Variants in CD180 observed in about 807,000 individuals in gnomAD.
CD180 encodes the protein CD180 antigen.
Under a neutral mutation model 10.7 loss-of-function variants are expected in CD180, and 11 were observed. The ratio of observed to expected loss-of-function variants is 1.03; its 90% confidence interval spans 0.65 to 1.70. The LOEUF (loss-of-function observed/expected upper bound fraction) is 1.70. CD180 is among the 40% of genes most tolerant of loss of function. CD180 has a pLI of 0.00. For missense variants in CD180, 729 were observed against 775.2 expected, an observed-to-expected ratio of 0.94 and a Z score of 0.71; for synonymous variants, 286 against 294.6, an observed-to-expected ratio of 0.97 and a Z score of 0.30.
chr5:67,191,378 C>G (rs867913948), intron 1 of CD180, among the ~76,000 whole-genome samples: 1 of 152,182 alleles, frequency 6.6e-6, no homozygotes, highest in African/African-American at 2.4e-5. Flanking sequence ...TAGCGTTTAA[C>G]TGGATCATCA....
rs766574061 is a variant in CD180 at position 67,183,729 on chromosome 5, G to C, written c.1114C>G (p.Leu372Val). The C allele has an allele frequency of 1.4e-5, 23 of 1,614,056 alleles. 1 individual carries two copies. In the South Asian group the frequency reaches 2.4e-4, roughly 17 times the overall value. ...GVGCLEKLGN[L>V]QTLDLSHNDI... is the part of the protein sequence containing the mutation. Reference sequence around the variant, plus strand: ...TTATGGCTTAAATCAAGTGTCTGAAGGTTTCCTAGTTTCTCCAAGCAGCCA... The same window carrying C: ...TTATGGCTTAAATCAAGTGTCTGAACGTTTCCTAGTTTCTCCAAGCAGCCA... Residue 372 changes from leucine (L) to valine (V), a missense_variant, in exon 3 of 3, where the codon CTT becomes GTT. Physicochemically the swap from Leu to Val is conservative, Grantham distance 32. Transcript: ENST00000256447.
intron 2 of CD180, 67 bp from the exon 3 acceptor site, chr5:67,184,652 A>G (rs1742147112): frequency 7.8e-7 from 1 of 1,281,072 alleles, no homozygotes; most frequent in Non-Finnish European, 1.1e-6. Context: ...TTACAGTGAC[A>G]CACATTAACA....
intron 1 of CD180, among the ~76,000 whole-genome samples, chr5:67,192,859 T>C (rs1742335426): frequency 6.6e-6 from 1 of 152,212 alleles, no homozygotes; most frequent in Admixed American, 6.5e-5. Flanking sequence ...GTCACACATG[T>C]ACTCTGAGTT....
chr5:67,184,101 GAGT>G lies in CD180; in HGVS notation c.739_741del (p.Thr247del). ...TCAAATGTTCCCAGCCAGAGAGACTGAGTAGTAGAGTTCTGCAGACCATTGAAT... is the reference window on the plus strand; with the variant it reads ...TCAAATGTTCCCAGCCAGAGAGACTGAGTAGAGTTCTGCAGACCATTGAAT... On this transcript the variant is annotated inframe_deletion, in exon 3 of 3. Transcript: ENST00000256447. 6.2e-7 allele frequency: 1 copy of G among 1,614,168 alleles called. No individual in the cohort carries two copies. Among genetic ancestry groups the G allele is most frequent in the East Asian group, 2.2e-5 (1 of 44,884 alleles).
intron 1 of CD180, among the ~76,000 whole-genome samples, chr5:67,187,232 C>T (rs5744511): frequency 0.069 from 10,541 of 152,124 alleles, 961 homozygotes; most frequent in African/African-American, 0.21. Context: ...GAGAGGAATG[C>T]AGAGATGAAG....
intron 2 of CD180, 37 bp from the exon 3 acceptor site, chr5:67,184,622 G>A: frequency 2.6e-6 from 4 of 1,514,760 alleles, no homozygotes; most frequent in Admixed American, 2.1e-5. Flanking sequence ...TAATTCATTT[G>A]AAAAAAGTAA....
chr5:67,183,584 G>C lies in CD180; in HGVS notation c.1259C>G (p.Pro420Arg), dbSNP rs759199601. 1.9e-6 allele frequency: 3 copies of C among 1,614,094 alleles called. No homozygotes were observed. The highest frequency in any genetic ancestry group is 2.5e-6 in the Non-Finnish European group (3 of 1,180,044). Reference sequence around the variant, plus strand: ...TGCCAAATCGAGGAGTTCTAGCTGAGGACATTCTTTGAATGCCTGACTCTG... The same window carrying C: ...TGCCAAATCGAGGAGTTCTAGCTGACGACATTCTTTGAATGCCTGACTCTG... ...GLQSQAFKEC[P>R]QLELLDLAFT... The change falls in exon 3 of 3, where the codon CCT becomes CGT. Residue 420 changes from proline (P) to arginine (R), a missense_variant. Physicochemically the swap from Pro to Arg is moderately radical, Grantham distance 103. Transcript: ENST00000256447.
chr5:67,183,815 T>C lies in CD180; in HGVS notation c.1028A>G (p.Asn343Ser), dbSNP rs142848963. Reference protein sequence around the residue: ...FDQLCQISAANFPSLTHLYIR... With the variant: ...FDQLCQISAASFPSLTHLYIR... The stretch of plus-strand genomic sequence containing the variant: ...GTAGAGGTGTGTAAGGGAGGGGAAA[T>C]TGGCAGCACTGATTTGACACAATTG... Residue 343 changes from asparagine to serine, a missense_variant, in exon 3 of 3, where the codon AAT becomes AGT. Transcript: ENST00000256447. 5.0e-6 allele frequency: 8 copies of C among 1,614,032 alleles called. No individual in the cohort carries two copies. Among genetic ancestry groups the C allele is most frequent in the Admixed American group, 1.7e-5 (1 of 60,008 alleles).
intron 1 of CD180, 30 bp from the exon 2 acceptor site, chr5:67,186,047 T>C: frequency 7.2e-7 from 1 of 1,393,146 alleles, no homozygotes; most frequent in African/African-American, 1.5e-5. Context: ...AAATTAATAT[T>C]AGACTTAATA....
intron 1 of CD180, among the ~76,000 whole-genome samples, chr5:67,193,474 C>T (rs1326903388): frequency 6.6e-6 from 1 of 152,114 alleles, no homozygotes; most frequent in East Asian, 1.9e-4. Context: ...CAGCTCCCTC[C>T]CTAGTATCCA....
intron 2 of CD180, 72 bp downstream of exon 2, chr5:67,185,779 A>G (rs1742180601): frequency 4.1e-6 from 5 of 1,223,878 alleles, no homozygotes; most frequent in Non-Finnish European, 5.5e-6. Context: ...AAGGTCCTGC[A>G]AATAAATTAA....
intron 1 of CD180, among the ~76,000 whole-genome samples, chr5:67,188,365 T>C (rs1032250922): frequency 1.3e-5 from 2 of 152,328 alleles, no homozygotes; most frequent in African/African-American, 4.8e-5. Context: ...TGTGGCATTC[T>C]GTGAAGCAGC....
rs192409565 is a variant in CD180 at position 67,194,638 on chromosome 5, A to T, written c.90+1914T>A. Among the ~76,000 whole-genome samples the T allele has an allele frequency of 7.2e-5, 11 of 152,342 alleles. No homozygotes were observed. The East Asian group carries it at 1.9e-3, about 27-fold the overall frequency. ...TCCCACCTGGCGTGGCCAGTCTCAC[A>T]TCAATTAAACTTTCTTTACTGCAAT... On this transcript the variant is annotated intron_variant, in intron 1 of 2. Transcript: ENST00000256447.
At chr5:67,195,054 T>C (rs577929925) in intron 1 of CD180, among the ~76,000 whole-genome samples, 1 of 152,286 alleles carries the variant, frequency 6.6e-6, no homozygotes, top group Non-Finnish European at 1.5e-5. Flanking sequence ...AAGATGGCCA[T>C]CTGCATGCCA....
intron 1 of CD180, among the ~76,000 whole-genome samples, chr5:67,195,476 C>A (rs973215206): frequency 6.6e-6 from 1 of 152,232 alleles, no homozygotes; most frequent in Non-Finnish European, 1.5e-5. Flanking sequence ...CTTGGCCTCC[C>A]AAAGTGCTGG....
Position 67,184,481 on chromosome 5 carries a change from A to G in CD180, c.362T>C (p.Leu121Pro). 1 of 1,614,164 alleles carries G rather than the reference A, an allele frequency of 6.2e-7. No homozygotes were observed. Among genetic ancestry groups the G allele is most frequent in the Non-Finnish European group, 8.5e-7 (1 of 1,179,988 alleles). Reference protein sequence around the residue: ...NPLIFMAETSLNGPKSLKHLF... With the variant: ...NPLIFMAETSPNGPKSLKHLF... ...ATGCTTCAGTGACTTGGGCCCATTA[A>G]GCGATGTTTCTGCCATGAATATCAG... The change falls in exon 3 of 3, where the codon CTT becomes CCT. Residue 121 changes from leucine to proline, a missense_variant. Leu to Pro is a moderately conservative substitution (Grantham distance 98). Coordinates refer to ENST00000256447, the MANE Select transcript of CD180 (RefSeq NM_005582.3).
chr5:67,196,778 G>A lies in CD180; in HGVS notation c.-137C>T, dbSNP rs1485995722. The A allele has an allele frequency of 2.5e-6, 2 of 803,074 alleles. No individual in the cohort carries two copies. Among genetic ancestry groups the A allele is most frequent in the Admixed American group, 3.0e-5 (1 of 32,860 alleles). 49.7% of individuals were successfully genotyped at this position (803,074 alleles called of 1,614,324 possible). On this transcript the variant is annotated 5_prime_UTR_variant, in exon 1 of 3. Transcript: ENST00000256447. ...CTTGGAACAAGAAATGCTGTTGACTGCTCAGCATTCTGTGGCTCTGTGCTG... is the reference window on the plus strand; with the variant it reads ...CTTGGAACAAGAAATGCTGTTGACTACTCAGCATTCTGTGGCTCTGTGCTG...
chr5:67,194,829 C>T (rs551236232), intron 1 of CD180, among the ~76,000 whole-genome samples: 3 of 152,282 alleles, frequency 2.0e-5, no homozygotes, highest in African/African-American at 7.2e-5. Context: ...TCCCCCACCA[C>T]CAAATTCATA....
At chr5:67,188,959 A>G (rs1401239955) in intron 1 of CD180, among the ~76,000 whole-genome samples, 1 of 152,240 alleles carries the variant, frequency 6.6e-6, no homozygotes, top group African/African-American at 2.4e-5. Flanking sequence ...GGTGGGGGAA[A>G]AAACCACGTG....
Sources: gnomAD v4.1 joint callset for allele counts (sites outside exome capture counted in the v4.1 genomes callset) on GRCh38, gnomAD v4.1.1 for gene constraint, MANE v1.5 for transcripts, NCBI Gene and HGNC (gene_info 2026-07-23, HGNC 2026-07-21) for gene names.